The following KCTD14 variants were observed in gnomAD, a reference collection of about 807,000 sequenced individuals.
The protein encoded by KCTD14 is potassium channel tetramerization domain containing 14.
Under a neutral mutation model 5.9 loss-of-function variants are expected in KCTD14, and 7 were observed. The observed-to-expected ratio is 1.19, with a 90% CI of 0.68 to 2.23. The LOEUF is 2.23. Among genes scored for constraint, KCTD14 ranks in the 30% most tolerant of loss-of-function variants. The pLI, the probability that KCTD14 is intolerant of heterozygous loss-of-function variation, is 0.00. For missense variants in KCTD14, 342 were observed against 332.2 expected (o/e 1.03, Z -0.23); for synonymous variants, 140 against 133.1 (o/e 1.05, Z -0.36).
At chr11:78,022,885 C>A in intron 1 of KCTD14, 1 of 433,984 alleles carries the variant, frequency 2.3e-6, no homozygotes. Flanking sequence ...AACTAAAGAC[C>A]CAATGTAGAG....
intron 1 of KCTD14, among the ~76,000 whole-genome samples, chr11:78,019,594 G>A (rs1385897936): frequency 6.6e-6 from 1 of 152,194 alleles, no homozygotes; most frequent in Non-Finnish European, 1.5e-5. Context: ...TGGGATTACA[G>A]ATGCAAGCCA....
At chr11:78,045,907 C>T (rs1485269285) in intron 1 of KCTD14, among the ~76,000 whole-genome samples, 3 of 152,096 alleles carry the variant, frequency 2.0e-5, no homozygotes, top group South Asian at 2.1e-4. Context: ...CCGAGGCAGC[C>T]TGTGTAGGGG....
upstream of KCTD14, among the ~76,000 whole-genome samples, chr11:78,025,110 GTGTGTGTGTATATATATATA>G (rs1382671387): frequency 2.3e-4 from 16 of 70,054 alleles, no homozygotes; most frequent in African/African-American, 9.1e-4. Flanking sequence ...GTGTGTGTGT[GTGTGTGTGTATATATATATA>G]TATATATATA....
intron 1 of KCTD14, among the ~76,000 whole-genome samples, chr11:78,021,237 G>A (rs925310363): frequency 4.8e-4 from 69 of 144,496 alleles, no homozygotes; most frequent in African/African-American, 1.7e-3. Context: ...GGCAGAGGTT[G>A]CAGTGAGCCA....
intron 2 of KCTD14, among the ~76,000 whole-genome samples, chr11:78,037,661 A>C (rs1016402430): frequency 6.6e-6 from 1 of 152,140 alleles, no homozygotes; most frequent in African/African-American, 2.4e-5. Context: ...TCTACTAAAA[A>C]TACAAAAATT....
chr11:78,027,002 G>C (rs7935589), upstream of KCTD14, among the ~76,000 whole-genome samples: 112,127 of 151,860 alleles, frequency 0.74, 42,331 homozygotes, highest in Non-Finnish European at 0.81. Context: ...AGGAGGCTGA[G>C]GCAGGAGAAT....
chr11:78,015,833 C>T lies in KCTD14; in HGVS notation c.*760G>A, dbSNP rs2136697374. On this transcript the variant is annotated 3_prime_UTR_variant, in exon 2 of 2. Transcript: ENST00000353172. The stretch of plus-strand genomic sequence containing the variant: ...GCTCTCAGAAGAAGACTGACTTCAG[C>T]TTGATTCCATGAGGAGCTCTGGGAA... 6.6e-6 allele frequency: 1 copy of T among 152,358 alleles called. No homozygotes were observed. Among genetic ancestry groups the T allele is most frequent in the Middle Eastern group, 3.4e-3 (1 of 294 alleles). 9.4% of individuals were successfully genotyped at this position (152,358 alleles called of 1,614,324 possible). A position where few individuals can be genotyped will look rare whatever the true frequency, so the allele number is the denominator to read the frequency against.
intron 1 of KCTD14, 31 bp from the exon 2 acceptor site, chr11:78,017,301 A>T (rs528981593): frequency 6.5e-7 from 1 of 1,549,126 alleles, no homozygotes; most frequent in Non-Finnish European, 8.7e-7. Context: ...GTAAACCAAC[A>T]CGCCATCTCC....
intron 2 of KCTD14, among the ~76,000 whole-genome samples, chr11:78,031,603 GTCTCAAACTCC>G (rs1387016133): frequency 2.0e-5 from 3 of 151,662 alleles, no homozygotes; most frequent in Admixed American, 6.6e-5. Flanking sequence ...GGCCAGGTTG[GTCTCAAACTCC>G]TGATCTCTAG....
chr11:78,045,100 C>G (rs1858099043), intron 1 of KCTD14, among the ~76,000 whole-genome samples: 1 of 152,138 alleles, frequency 6.6e-6, no homozygotes, highest in African/African-American at 2.4e-5. Context: ...GCCCACTCAC[C>G]CAACTCCTGA....
At chr11:78,042,495 G>C (rs1858021465) in intron 1 of KCTD14, among the ~76,000 whole-genome samples, 1 of 151,812 alleles carries the variant, frequency 6.6e-6, no homozygotes, top group Non-Finnish European at 1.5e-5. Context: ...GCAACAGAGT[G>C]AGACTATCTC....
chr11:78,026,663 G>A (rs1374118088), upstream of KCTD14, among the ~76,000 whole-genome samples: 1 of 152,062 alleles, frequency 6.6e-6, no homozygotes, highest in Non-Finnish European at 1.5e-5. Context: ...CAGCTACTTG[G>A]GAGGCTGAGG....
At chr11:78,038,995 A>C (rs1391524166) in intron 1 of KCTD14, among the ~76,000 whole-genome samples, 1 of 151,850 alleles carries the variant, frequency 6.6e-6, no homozygotes, top group Non-Finnish European at 1.5e-5. Flanking sequence ...CCCTGCCTAA[A>C]ACTCATGGGA....
At chr11:78,039,673 G>A (rs1857936055) in intron 1 of KCTD14, among the ~76,000 whole-genome samples, 1 of 152,008 alleles carries the variant, frequency 6.6e-6, no homozygotes, top group African/African-American at 2.4e-5. Context: ...AGACTGAGGT[G>A]GGAGGATCAC....
At chr11:78,026,163 A>C (rs1039451485), upstream of KCTD14, among the ~76,000 whole-genome samples, 1 of 152,182 alleles carries the variant, frequency 6.6e-6, no homozygotes, top group African/African-American at 2.4e-5. Flanking sequence ...AGGGCCACGC[A>C]TGGTGACTCA....
chr11:78,022,988 GA>G, intron 1 of KCTD14, 171 bp downstream of exon 1: 1 of 575,432 alleles, frequency 1.7e-6, no homozygotes, highest in Non-Finnish European at 3.1e-6. Context: ...CAGCAGGAGG[GA>G]CGGCAAAGAT....
At chr11:78,026,411 C>G (rs1378758326), upstream of KCTD14, among the ~76,000 whole-genome samples, 2 of 151,910 alleles carry the variant, frequency 1.3e-5, no homozygotes, top group African/African-American at 4.8e-5. Flanking sequence ...CCATTACACT[C>G]CAGCCTGGAA....
intron 2 of KCTD14, among the ~76,000 whole-genome samples, chr11:78,029,747 T>G (rs564825485): frequency 2.0e-5 from 3 of 152,134 alleles, no homozygotes; most frequent in Admixed American, 6.6e-5. Context: ...TTGATGGAAC[T>G]CAGTTCCACA....
chr11:78,038,541 C>T (rs975665851), intron 2 of KCTD14: 27 of 1,155,120 alleles, frequency 2.3e-5, no homozygotes, highest in Non-Finnish European at 3.0e-5. Flanking sequence ...CCATCTGGCT[C>T]CCCGCTCACT....
Sources: gnomAD v4.1 joint callset for allele counts (sites outside exome capture counted in the v4.1 genomes callset) on GRCh38, gnomAD v4.1.1 for gene constraint, MANE v1.5 for transcripts, NCBI Gene and HGNC (gene_info 2026-07-23, HGNC 2026-07-21) for gene names.